The following NME5 variants were observed in gnomAD, a reference collection of about 807,000 sequenced individuals.
NME5 encodes NME/NM23 family member 5.
In NME5, 18 loss-of-function variants were observed where a neutral mutation model predicts 21.6. That is an observed-to-expected ratio of 0.83 (90% CI 0.58 to 1.24). NME5 has a LOEUF of 1.24. Ranked by LOEUF, NME5 falls within the 50% of genes most tolerant of loss-of-function variation. The probability of loss-of-function intolerance (pLI) is 0.00; values close to 1 mark genes in which losing one functional copy is unlikely to be tolerated. For synonymous variants in NME5, 70 were observed against 80.6 expected (o/e 0.87, Z 0.71); for missense variants, 223 against 255.4 (o/e 0.87, Z 0.86).
chr5:138,134,821 G>A (rs1751656325), intron 2 of NME5, among the ~76,000 whole-genome samples: 1 of 137,602 alleles, frequency 7.3e-6, no homozygotes, highest in Non-Finnish European at 1.6e-5. Flanking sequence ...CACCTCCCGG[G>A]TTCACGCCAT....
intron 4 of NME5, among the ~76,000 whole-genome samples, chr5:138,122,686 T>G (rs1561587224): frequency 6.6e-6 from 1 of 151,164 alleles, no homozygotes; most frequent in Non-Finnish European, 1.5e-5. Context: ...TTTAATTTTT[T>G]TTTTTTTTTG....
At position 138,115,553 on chromosome 5, in the gene NME5, T is replaced by C. The variant is rs903522701; in HGVS notation, c.*128A>G. 28 of 540,286 alleles carry C rather than the reference T, an allele frequency of 5.2e-5. No individual in the cohort carries two copies. The highest frequency in any genetic ancestry group is 7.8e-5 in the Non-Finnish European group (25 of 318,556). 33.5% of individuals were successfully genotyped at this position (540,286 alleles called of 1,614,324 possible). On this transcript the variant is annotated 3_prime_UTR_variant, in exon 6 of 6. Transcript: ENST00000265191. ...CATAGAATAGTTATTCCTTTAACACTTATTTTTAAGAAATAAATTTATTTT... is the reference window on the plus strand; with the variant it reads ...CATAGAATAGTTATTCCTTTAACACCTATTTTTAAGAAATAAATTTATTTT...
intron 4 of NME5, among the ~76,000 whole-genome samples, chr5:138,119,661 A>ATTTT (rs35881974): frequency 7.1e-6 from 1 of 140,768 alleles, no homozygotes; most frequent in South Asian, 2.2e-4. Context: ...TCTTTTCTTT[A>ATTTT]TTTTTTTTTT....
intron 3 of NME5, among the ~76,000 whole-genome samples, 182 bp downstream of exon 3, chr5:138,129,081 T>C (rs529579202): frequency 5.3e-5 from 8 of 152,086 alleles, no homozygotes; most frequent in Non-Finnish European, 1.0e-4. Context: ...AAAATAGACA[T>C]TTAACACTTT....
chr5:138,119,356 C>T (rs1426006160), intron 4 of NME5, among the ~76,000 whole-genome samples: 1 of 151,914 alleles, frequency 6.6e-6, no homozygotes, highest in East Asian at 2.0e-4. Context: ...TGCCACCATG[C>T]CTGGCTAATT....
chr5:138,115,289 T>C lies in NME5; in HGVS notation c.*392A>G, dbSNP rs1315196156. On this transcript the variant is annotated 3_prime_UTR_variant, in exon 6 of 6. Transcript: ENST00000265191. ...GCATGAAACCAAATCACCATGCTTA[T>C]GGACTACAAAAGGACCTAAGCCTTT... 1 of 154,198 alleles carries C rather than the reference T, an allele frequency of 6.5e-6. No homozygotes were observed. Among genetic ancestry groups the C allele is most frequent in the Non-Finnish European group, 1.4e-5 (1 of 69,522 alleles). The allele number at this position is 154,198 out of a possible 1,614,324, so 9.6% of individuals were successfully genotyped here.
chr5:138,115,727 T>G lies in NME5; in HGVS notation c.593A>C (p.Asn198Thr), dbSNP rs1751142702. 2 of 1,586,150 alleles carry G rather than the reference T, an allele frequency of 1.3e-6. No homozygotes were observed. The highest frequency in any genetic ancestry group is 1.7e-6 in the Non-Finnish European group (2 of 1,172,338). ...TGGATGGTGACAAAGTTTGGGTTTGTTAGGATTATTTTTCAGCAGCCAATC... is the reference window on the plus strand; with the variant it reads ...TGGATGGTGACAAAGTTTGGGTTTGGTAGGATTATTTTTCAGCAGCCAATC... ...LADWLLKNNPNKPKLCHHPIV... is the reference protein window; with the variant it reads ...LADWLLKNNPTKPKLCHHPIV... The change falls in exon 6 of 6, where the codon AAC becomes ACC. Residue 198 changes from asparagine to threonine, a missense_variant. By Grantham distance (65) the Asn-to-Thr change is moderately conservative. Transcript: ENST00000265191.
chr5:138,124,997 C>T (rs1274292699), intron 4 of NME5, among the ~76,000 whole-genome samples: 2 of 152,158 alleles, frequency 1.3e-5, no homozygotes, highest in Admixed American at 6.5e-5. Context: ...CATCACAGCT[C>T]AAACAGCCTT....
Position 138,132,318 on chromosome 5 carries a change from C to A in NME5, c.130-2850G>T, listed in dbSNP as rs191948019. Among the ~76,000 whole-genome samples, 887 of 152,198 alleles carry A rather than the reference C, an allele frequency of 5.8e-3. 6 individuals carry two copies. The highest frequency in any genetic ancestry group is 8.4e-3 in the Non-Finnish European group (572 of 68,024). ...TGAGCCGAAATCATGCCATTGCACT[C>A]CAGCCTGGGCAACAGAGTGAGACTT... On this transcript the variant is annotated intron_variant, in intron 2 of 5. Transcript: ENST00000265191.
rs150295011 is a variant in NME5, at chr5:138,120,869, G to A, written c.437-1933C>T. Among the ~76,000 whole-genome samples the A allele has an allele frequency of 3.7e-3, 567 of 152,246 alleles. 3 individuals are homozygous for A. The highest frequency in any genetic ancestry group is 0.013 in the African/African-American group (540 of 41,560). On this transcript the variant is annotated intron_variant, in intron 4 of 5. Coordinates refer to ENST00000265191, the MANE Select transcript of NME5 (RefSeq NM_003551.3). ...CCAATAAACCCATCATAAGTTGAAA[G>A]TATCAGTAAGTCAAAAACACATTTA...
At chr5:138,125,763 C>T (rs573056742) in intron 4 of NME5, among the ~76,000 whole-genome samples, 39 of 152,210 alleles carry the variant, frequency 2.6e-4, no homozygotes, top group East Asian at 3.9e-4. Context: ...TACAAGCGTG[C>T]GCCACCACGC....
Position 138,129,343 on chromosome 5 carries a change from A to C in NME5, c.255T>G (p.Ala85=), listed in dbSNP as rs757410981. Residue 85 remains alanine (A), a synonymous_variant, in exon 3 of 6, where the codon GCT becomes GCG. Coordinates refer to ENST00000265191, the MANE Select transcript of NME5 (RefSeq NM_003551.3). ...ACCAATAAGAGATGGCTTTATGTCT[A>C]GCTAATATCATGGCGACAAGTGGTC... ...SSGPLVAMIL[A]RHKAISYWLE... 1.1e-5 allele frequency: 18 copies of C among 1,614,046 alleles called. No homozygotes were observed. Among genetic ancestry groups the C allele is most frequent in the Admixed American group, 3.3e-5 (2 of 60,014 alleles).
At chr5:138,133,132 A>C (rs1259596918) in intron 2 of NME5, among the ~76,000 whole-genome samples, 1 of 146,228 alleles carries the variant, frequency 6.8e-6, no homozygotes, top group Admixed American at 6.9e-5. Flanking sequence ...GTCTCATCTC[A>C]CTCTGTCCTC....
intron 2 of NME5, among the ~76,000 whole-genome samples, chr5:138,132,441 T>C (rs147714197): frequency 7.6e-4 from 115 of 152,232 alleles, no homozygotes; most frequent in African/African-American, 2.4e-3. Flanking sequence ...AACAGAGGGA[T>C]TCAAAGTAGA....
intron 4 of NME5, among the ~76,000 whole-genome samples, chr5:138,120,672 A>G (rs192039101): frequency 1.7e-4 from 26 of 152,328 alleles, no homozygotes; most frequent in Admixed American, 1.5e-3. Flanking sequence ...CTCCAGTTAC[A>G]AAGATTTTCT....
In NME5 at chr5:138,115,626, G is replaced by GTA. The variant is rs1012382915; in HGVS notation, c.*53_*54dup. 5.0e-5 allele frequency: 55 copies of GTA among 1,100,796 alleles called. No homozygotes were observed. Among genetic ancestry groups the GTA allele is most frequent in the Middle Eastern group, 4.2e-4 (2 of 4,816 alleles). 68.2% of individuals were successfully genotyped at this position (1,100,796 alleles called of 1,614,324 possible). A position where few individuals can be genotyped will look rare whatever the true frequency, so the allele number is the denominator to read the frequency against. ...GAAATAATTTTTTCAAACAGTAGAA[G>GTA]TACAGCCTTTTATAATAAGATAGTT... On this transcript the variant is annotated 3_prime_UTR_variant, in exon 6 of 6. Transcript: ENST00000265191.
intron 2 of NME5, 57 bp from the exon 3 acceptor site, chr5:138,129,525 A>C: frequency 4.1e-4 from 490 of 1,191,554 alleles, no homozygotes; most frequent in Middle Eastern, 5.8e-4. Flanking sequence ...ATGATAGCTC[A>C]TTAAAATCAT....
chr5:138,115,735 AT>A lies in NME5; in HGVS notation c.584del (p.Asn195IlefsTer14). On this transcript the variant is annotated frameshift_variant, in exon 6 of 6. Coordinates refer to ENST00000265191, the MANE Select transcript of NME5 (RefSeq NM_003551.3). LOFTEE classifies it high-confidence loss of function. Reference sequence around the variant, plus strand: ...GACAAAGTTTGGGTTTGTTAGGATTATTTTTCAGCAGCCAATCAGCTAGCCA... The same window carrying A: ...GACAAAGTTTGGGTTTGTTAGGATTATTTTCAGCAGCCAATCAGCTAGCCA... Reference protein sequence around the residue: ...LIWLADWLLKNNPNKPKLCHH... With the variant: ...LIWLADWLLKXNPNKPKLCHH... 1.3e-6 allele frequency: 2 copies of A among 1,583,982 alleles called. No homozygotes were observed. Among genetic ancestry groups the A allele is most frequent in the Non-Finnish European group, 8.5e-7 (1 of 1,171,290 alleles).
chr5:138,117,204 C>CAA (rs34623624), intron 5 of NME5, among the ~76,000 whole-genome samples: 88 of 63,350 alleles, frequency 1.4e-3, no homozygotes, highest in South Asian at 2.5e-3. Flanking sequence ...GACCCTGTCT[C>CAA]AAAAAAAAAA....
Sources: gnomAD v4.1 joint callset for allele counts (sites outside exome capture counted in the v4.1 genomes callset) on GRCh38, gnomAD v4.1.1 for gene constraint, MANE v1.5 for transcripts, NCBI Gene and HGNC (gene_info 2026-07-23, HGNC 2026-07-21) for gene names.